Variants in AK9 observed in about 807,000 individuals in gnomAD.
AK9 encodes the protein adenylate kinase domain containing 1.
AK9 carries 191 observed loss-of-function variants against 239.6 expected under a neutral mutation model. The ratio of observed to expected loss-of-function variants is 0.80; its 90% CI spans 0.71 to 0.90. The LOEUF (loss-of-function observed/expected upper bound fraction) is 0.90. Ranked by LOEUF, AK9 falls within the 40% of genes least tolerant of loss-of-function variation. The pLI, the probability that AK9 is intolerant of heterozygous loss-of-function variation, is 0.00. For missense variants in AK9, 1,995 were observed against 2,214.7 expected, an observed-to-expected ratio of 0.90 and a Z score of 1.99; for synonymous variants, 689 against 721.0, an observed-to-expected ratio of 0.96 and a Z score of 0.71.
At chr6:109,670,054 G>T (rs1180382961) in intron 5 of AK9, among the ~76,000 whole-genome samples, 1 of 152,128 alleles carries the variant, frequency 6.6e-6, no homozygotes, top group African/African-American at 2.4e-5. Flanking sequence ...GCCAAATCCA[G>T]AATGTGGGAA....
At chr6:109,545,733 G>T in intron 26 of AK9, 134 bp downstream of exon 26, 2 of 1,117,230 alleles carry the variant, frequency 1.8e-6, no homozygotes, top group Non-Finnish European at 2.5e-6. Context: ...GCCCAGGGAA[G>T]TTGAGGCTTT....
intron 16 of AK9, 55 bp from the exon 17 acceptor site, chr6:109,610,568 C>T: frequency 1.4e-6 from 2 of 1,473,572 alleles, no homozygotes; most frequent in Non-Finnish European, 1.8e-6. Flanking sequence ...GTGGACAATA[C>T]TACTTGCAAT....
intron 26 of AK9, among the ~76,000 whole-genome samples, chr6:109,544,796 A>G (rs923535928): frequency 3.3e-5 from 5 of 151,448 alleles, no homozygotes; most frequent in African/African-American, 9.7e-5. Context: ...TTAGAAATTA[A>G]TATTTTGAGA....
chr6:109,666,707 T>C (rs1801245452), intron 5 of AK9, among the ~76,000 whole-genome samples: 1 of 152,238 alleles, frequency 6.6e-6, no homozygotes, highest in African/African-American at 2.4e-5. Context: ...GGCAGACTAC[T>C]GCTTTCAGAT....
At chr6:109,572,675 C>A (rs1427038654) in intron 21 of AK9, among the ~76,000 whole-genome samples, 1 of 152,192 alleles carries the variant, frequency 6.6e-6, no homozygotes, top group Non-Finnish European at 1.5e-5. Flanking sequence ...AGTCTTGCTT[C>A]TTTTATAAGC....
chr6:109,512,487 C>T, intron 32 of AK9, among the ~76,000 whole-genome samples: 1 of 152,150 alleles, frequency 6.6e-6, no homozygotes, highest in East Asian at 1.9e-4. Flanking sequence ...GATCCAAGAA[C>T]CTTCTCTTGA....
intron 12 of AK9, among the ~76,000 whole-genome samples, chr6:109,624,130 T>C (rs1795227926): frequency 6.6e-6 from 1 of 152,038 alleles, no homozygotes; most frequent in South Asian, 2.1e-4. Context: ...AGTATAAATT[T>C]CTGCTTGAAA....
intron 1 of AK9, among the ~76,000 whole-genome samples, chr6:109,689,331 G>A (rs1773980707): frequency 6.6e-6 from 1 of 152,154 alleles, no homozygotes; most frequent in Non-Finnish European, 1.5e-5. Context: ...TGCTATTAGT[G>A]CCTCCCCCAT....
At chr6:109,657,735 T>C (rs559812167) in intron 7 of AK9, among the ~76,000 whole-genome samples, 1 of 151,986 alleles carries the variant, frequency 6.6e-6, no homozygotes, top group Non-Finnish European at 1.5e-5. Context: ...GTGTGTGATG[T>C]TCCCCTTCCT....
At chr6:109,519,270 A>G (rs1209907536) in intron 29 of AK9, among the ~76,000 whole-genome samples, 1 of 152,138 alleles carries the variant, frequency 6.6e-6, no homozygotes, top group Non-Finnish European at 1.5e-5. Context: ...TAGGGCTATG[A>G]TGAACATATG....
chr6:109,502,810 C>T (rs1777724875), intron 35 of AK9, among the ~76,000 whole-genome samples: 1 of 152,190 alleles, frequency 6.6e-6, no homozygotes, highest in South Asian at 2.1e-4. Flanking sequence ...CGGAATCTTA[C>T]CGACATCACA....
chr6:109,682,419 T>C (rs1226286214), intron 1 of AK9, among the ~76,000 whole-genome samples: 31 of 50,982 alleles, frequency 6.1e-4, no homozygotes, highest in African/African-American at 3.8e-4. Flanking sequence ...AGAGCAAGAC[T>C]CCGTCTCAAA....
intron 20 of AK9, among the ~76,000 whole-genome samples, chr6:109,576,574 GC>G (rs1205860312): frequency 1.3e-5 from 2 of 151,712 alleles, no homozygotes; most frequent in African/African-American, 4.8e-5. Context: ...AGATCTAGGA[GC>G]TTTTTCAGGT....
At position 109,627,295 on chromosome 6, in the gene AK9, T is replaced by A. The variant is rs181800163; in HGVS notation, c.1254+5628A>T. Among the ~76,000 whole-genome samples the A allele has an allele frequency of 2.9e-3, 448 of 152,184 alleles. 1 individual carries two copies. Among genetic ancestry groups the A allele is most frequent in the African/African-American group, 0.01 (430 of 41,522 alleles). ...TACGACAACAATGCCTTCTGGAATATCTCCTGAAGAACCTGCCTGAGGCTG... is the reference window on the plus strand; with the variant it reads ...TACGACAACAATGCCTTCTGGAATAACTCCTGAAGAACCTGCCTGAGGCTG... On this transcript the variant is annotated intron_variant, in intron 12 of 40. Coordinates refer to ENST00000424296, the MANE Select transcript of AK9 (RefSeq NM_001145128.3).
chr6:109,603,385 C>T (rs114959225), intron 17 of AK9, among the ~76,000 whole-genome samples: 13 of 152,094 alleles, frequency 8.5e-5, no homozygotes, highest in East Asian at 1.9e-4. Flanking sequence ...TGCAGTACAG[C>T]GAATATTGCT....
At chr6:109,497,354 A>ACACACACACTCT in intron 38 of AK9, 111 bp downstream of exon 38, 1 of 604,610 alleles carries the variant, frequency 1.7e-6, no homozygotes. Flanking sequence ...ACACACACAC[A>ACACACACACTCT]CACACACACT....
chr6:109,652,219 C>T (rs190789425), intron 8 of AK9, among the ~76,000 whole-genome samples: 152 of 152,336 alleles, frequency 1.0e-3, no homozygotes, highest in African/African-American at 3.6e-3. Flanking sequence ...ATCAAGTTGG[C>T]TTCATCCCTG....
rs148157010 is a variant in AK9, at chr6:109,575,240, T to A, written c.2192-1646A>T. Among the ~76,000 whole-genome samples the A allele has an allele frequency of 1.1e-4, 16 of 152,370 alleles. 1 individual carries two copies. In the East Asian group the frequency reaches 3.1e-3, roughly 29 times the overall value. ...CAAATGGCAGTTTTATTTTTAGTTCTTTAAGGAATTGCCATAGTGTTTTCC... is the reference window on the plus strand; with the variant it reads ...CAAATGGCAGTTTTATTTTTAGTTCATTAAGGAATTGCCATAGTGTTTTCC... On this transcript the variant is annotated intron_variant, in intron 20 of 40. Transcript: ENST00000424296.
At chr6:109,636,772 A>C (rs1057361717) in intron 10 of AK9, among the ~76,000 whole-genome samples, 18 of 151,212 alleles carry the variant, frequency 1.2e-4, no homozygotes, top group African/African-American at 4.1e-4. Flanking sequence ...ACACACACAC[A>C]CACACACACA....
Sources: allele counts gnomAD v4.1 joint callset (sites outside exome capture counted in the v4.1 genomes callset), GRCh38; gene constraint gnomAD v4.1.1; transcripts MANE v1.5; gene names NCBI Gene and HGNC (gene_info 2026-07-23, HGNC 2026-07-21).